PIAS3: variants seen among roughly 807,000 people sequenced by gnomAD.
The protein encoded by PIAS3 is protein inhibitor of activated STAT 3.
In PIAS3, 34 loss-of-function variants were observed where a neutral mutation model predicts 67.6. The observed-to-expected ratio is 0.50, with a 90% CI of 0.38 to 0.67. The LOEUF (loss-of-function observed/expected upper bound fraction) is 0.67, where lower values mean the gene tolerates loss of function less well. PIAS3 is among the 30% of genes least tolerant of loss of function. The probability of loss-of-function intolerance (pLI) is 0.00; values close to 1 mark genes in which losing one functional copy is unlikely to be tolerated. For synonymous variants in PIAS3, 341 were observed against 313.8 expected (o/e 1.09, Z -0.92); for missense variants, 693 against 791.6 (o/e 0.88, Z 1.49).
chr1:145,857,318 C>T (rs989002413), intron 1 of PIAS3: 2 of 407,192 alleles, frequency 4.9e-6, no homozygotes, highest in East Asian at 4.7e-5. Flanking sequence ...GACACACCTC[C>T]GAGTCCATGC....
Position 145,856,776 on chromosome 1 carries a change from A to G in PIAS3, c.255T>C (p.Ser85=). 6.2e-7 allele frequency: 1 copy of G among 1,614,078 alleles called. No individual in the cohort carries two copies. Among genetic ancestry groups the G allele is most frequent in the South Asian group, 1.1e-5 (1 of 91,084 alleles). ...LSLLSLPPGT[S]PVGSPGPLAP... ...CTAGAGGACCAGGGGAGCCTACAGG[A>G]GAGGTGCCAGGGGGCAAAGAGAGAA... Residue 85 remains serine (S), a synonymous_variant, in exon 2 of 14, where the codon TCT becomes TCC. Transcript: ENST00000393045.
intron 5 of PIAS3, 80 bp from the exon 6 acceptor site, chr1:145,854,960 C>A (rs199756395): frequency 1.1e-4 from 166 of 1,542,044 alleles, no homozygotes; most frequent in Non-Finnish European, 2.2e-5. Flanking sequence ...TATCTTGTCT[C>A]GGGTTATTCA....
At position 145,858,972 on chromosome 1, in the gene PIAS3, A is replaced by C. The variant is rs1553736145; in HGVS notation, c.19T>G (p.Leu7Val). 6.5e-7 allele frequency: 1 copy of C among 1,540,302 alleles called. No individual in the cohort carries two copies. The highest frequency in any genetic ancestry group is 8.7e-7 in the Non-Finnish European group (1 of 1,144,710). MAELGELKHMVMSFRVS... is the reference protein window; with the variant it reads MAELGEVKHMVMSFRVS... ...TGGGGGGAGGGGGCCGGTACCTTTA[A>C]TTCGCCCAGCTCCGCCATCTTGAGA... is the stretch of plus-strand genomic sequence containing the variant. Residue 7 changes from leucine to valine, a missense_variant, in exon 1 of 14, where the codon TTA becomes GTA. Leu to Val is a conservative substitution (Grantham distance 32). Around this residue, in one of 3 missense-constraint regions of PIAS3, gnomAD observed 308 missense variants for 348.8 expected, o/e 0.88. Coordinates refer to ENST00000393045, the MANE Select transcript of PIAS3 (RefSeq NM_006099.3).
Position 145,858,966 on chromosome 1 carries a change from C to T in PIAS3, c.24+1G>A. ...TGGGGATGGGGGGAGGGGGCCGGTA[C>T]CTTTAATTCGCCCAGCTCCGCCATC... On this transcript the variant is annotated splice_donor_variant, in intron 1 of 13. Coordinates refer to ENST00000393045, the MANE Select transcript of PIAS3 (RefSeq NM_006099.3). LOFTEE classifies it high-confidence loss of function. The T allele has an allele frequency of 6.5e-7, 1 of 1,539,104 alleles. No individual in the cohort carries two copies. Among genetic ancestry groups the T allele is most frequent in the South Asian group, 1.2e-5 (1 of 82,800 alleles).
chr1:145,854,014 G>A, intron 7 of PIAS3, 128 bp from the exon 8 acceptor site: 1 of 710,434 alleles, frequency 1.4e-6, no homozygotes, highest in Admixed American at 2.4e-5. Context: ...GGGCCAGTGG[G>A]ACGTCACATG....
chr1:145,849,393 C>T lies in PIAS3; in HGVS notation c.*53G>A. 1 of 1,446,314 alleles carries T rather than the reference C, an allele frequency of 6.9e-7. No homozygotes were observed. The highest frequency in any genetic ancestry group is 9.0e-7 in the Non-Finnish European group (1 of 1,106,634). The allele number at this position is 1,446,314 out of a possible 1,614,324, so 89.6% of individuals were successfully genotyped here. ...CAGAGTAGCTGGGGTTGGGACTCCA[C>T]AGCATACTTGCTCAGTGTTGGGGGA... On this transcript the variant is annotated 3_prime_UTR_variant, in exon 14 of 14. Coordinates refer to ENST00000393045, the MANE Select transcript of PIAS3 (RefSeq NM_006099.3).
At chr1:145,849,819 G>C (rs1169356029) in intron 13 of PIAS3, 107 bp from the exon 14 acceptor site, 1 of 1,487,754 alleles carries the variant, frequency 6.7e-7, no homozygotes, top group East Asian at 2.4e-5. Flanking sequence ...CTGTGGATCC[G>C]AAGGTATTCT....
In PIAS3 at chr1:145,849,661, G is replaced by C. The variant is rs782173646; in HGVS notation, c.1672C>G (p.His558Asp). ...GGGGTCCCTCGGTACTGGAAGAAGT[G>C]GCCAAGGGCATCCTGTTCATCTAGT... ...TSLDEQDALG[H>D]FFQYRGTPSH... Residue 558 changes from histidine (H) to aspartate (D), a missense_variant, in exon 14 of 14, where the codon CAC becomes GAC. Physicochemically the swap from His to Asp is moderately conservative, Grantham distance 81 (BLOSUM62 -1). This residue lies in a region of PIAS3 where 270 missense variants were observed against 261.0 expected (regional missense o/e 1.03). Coordinates refer to ENST00000393045, the MANE Select transcript of PIAS3 (RefSeq NM_006099.3). 10 of 1,612,492 alleles carry C rather than the reference G, an allele frequency of 6.2e-6. No individual in the cohort carries two copies. Among genetic ancestry groups the C allele is most frequent in the Non-Finnish European group, 7.6e-6 (9 of 1,179,282 alleles).
chr1:145,856,926 G>A lies in PIAS3; in HGVS notation c.105C>T (p.His35=), dbSNP rs143409313. Residue 35 remains histidine (H), a synonymous_variant, in exon 2 of 14, where the codon CAC becomes CAT. Transcript: ENST00000393045. ...FAGRNKSGRK[H]ELLAKALHLL... ...GGTGCAGAGCCTTGGCCAGGAGCTC[G>A]TGCTTCCGTCCACTCTTGTTCCGGC... 1.8e-3 allele frequency: 2,944 copies of A among 1,614,142 alleles called. 4 individuals carry two copies. The highest frequency in any genetic ancestry group is 2.3e-3 in the Non-Finnish European group (2,728 of 1,179,986).
intron 4 of PIAS3, 78 bp downstream of exon 4, chr1:145,855,990 C>T (rs1180293764): frequency 1.1e-5 from 13 of 1,224,952 alleles, no homozygotes; most frequent in Non-Finnish European, 1.5e-5. Context: ...AGGGACATCT[C>T]GTAAGGGTAT....
In PIAS3 at chr1:145,854,554, A is replaced by C; in HGVS notation, c.814T>G (p.Leu272Val). ...AACTGCCTCACCAGGTACACAGACA[A>C]GGAGTAATTCTACTTGGAGGCAGGG... ...WSSEFGRNYS[L>V]SVYLVRQLTA... Residue 272 changes from leucine to valine, a missense_variant, in exon 7 of 14, where the codon TTG (leucine) becomes GTG (valine). Physicochemically the swap from Leu to Val is conservative, Grantham distance 32. Coordinates refer to ENST00000393045, the MANE Select transcript of PIAS3 (RefSeq NM_006099.3). 1 of 1,613,474 alleles carries C rather than the reference A, an allele frequency of 6.2e-7. No homozygotes were observed. Among genetic ancestry groups the C allele is most frequent in the South Asian group, 1.1e-5 (1 of 91,074 alleles).
intron 9 of PIAS3, among the ~76,000 whole-genome samples, chr1:145,851,579 C>A (rs1652965246): frequency 6.7e-6 from 1 of 150,210 alleles, no homozygotes; most frequent in Non-Finnish European, 1.5e-5. Context: ...TCGCTTGAAC[C>A]CAGGAGGCAG....
chr1:145,849,592 G>A lies in PIAS3; in HGVS notation c.1741C>T (p.His581Tyr). The A allele has an allele frequency of 6.2e-7, 1 of 1,613,070 alleles. No individual in the cohort carries two copies. The highest frequency in any genetic ancestry group is 8.5e-7 in the Non-Finnish European group (1 of 1,179,556). ...GGGGGCGCCGGAGTGGCGCTGCAGT[G>A]GGAGCTCCCCAGCGTGGGGGCCAGT... The part of the protein sequence containing the change: ...GPLAPTLGSS[H>Y]CSATPAPPPG... Residue 581 changes from histidine to tyrosine, a missense_variant, in exon 14 of 14, where the codon CAC becomes TAC. This residue lies in a region of PIAS3 where 270 missense variants were observed against 261.0 expected (regional missense o/e 1.03). Transcript: ENST00000393045.
Position 145,851,146 on chromosome 1 carries a change from T to C in PIAS3, c.1153A>G (p.Met385Val), listed in dbSNP as rs781783384. 1.2e-6 allele frequency: 2 copies of C among 1,613,818 alleles called. No homozygotes were observed. The highest frequency in any genetic ancestry group is 2.7e-5 in the African/African-American group (2 of 74,898). ...YESLIIDGLF[M>V]EILSSCSDCD... ...TCTGAACAGGAACTAAGAATCTCCA[T>C]AAATAAACTGGGGGAAGAGAGAGAT... The change falls in exon 10 of 14, where the codon ATG (methionine) becomes GTG (valine). Residue 385 changes from methionine to valine, a missense_variant. Coordinates refer to ENST00000393045, the MANE Select transcript of PIAS3 (RefSeq NM_006099.3).
At chr1:145,850,013 C>T in intron 13 of PIAS3, 1 of 1,439,204 alleles carries the variant, frequency 6.9e-7, no homozygotes. Flanking sequence ...GGTGAGTAGG[C>T]CAGGGCAGAA....
Position 145,854,075 on chromosome 1 carries a change from A to G in PIAS3, c.911-189T>C, listed in dbSNP as rs1330481755. Reference sequence around the variant, plus strand: ...AAGGCTGGGTGTGGGGGATTTTCCCATCCCTGAAGATGCTTAAACATAGCG... The same window carrying G: ...AAGGCTGGGTGTGGGGGATTTTCCCGTCCCTGAAGATGCTTAAACATAGCG... On this transcript the variant is annotated intron_variant, in intron 7 of 13. Transcript: ENST00000393045. 59 of 607,154 alleles carry G rather than the reference A, an allele frequency of 9.7e-5. No homozygotes were observed. In the South Asian group the frequency reaches 1.2e-3, roughly 12 times the overall value. The allele number at this position is 607,154 out of a possible 1,614,324, so 37.6% of individuals were successfully genotyped here. A position where few individuals can be genotyped will look rare whatever the true frequency, so the allele number is the denominator to read the frequency against.
chr1:145,854,279 G>A, intron 7 of PIAS3, 179 bp downstream of exon 7: 1 of 610,996 alleles, frequency 1.6e-6, no homozygotes. Flanking sequence ...GCCTGGGAGT[G>A]GTCCAACTTC....
Position 145,854,213 on chromosome 1 carries a change from G to C in PIAS3, c.910+245C>G. 8.4e-6 allele frequency: 5 copies of C among 597,768 alleles called. No individual in the cohort carries two copies. In the South Asian group the frequency reaches 1.0e-4, roughly 12 times the overall value. 37.0% of individuals were successfully genotyped at this position (597,768 alleles called of 1,614,324 possible). A position where few individuals can be genotyped will look rare whatever the true frequency, so the allele number is the denominator to read the frequency against. ...TCCGGAGAGCCCATATTCTAGCAGG[G>C]CTGGAGTTAGGGACTGTGAGGTGCA... On this transcript the variant is annotated intron_variant, in intron 7 of 13. Coordinates refer to ENST00000393045, the MANE Select transcript of PIAS3 (RefSeq NM_006099.3).
Position 145,851,045 on chromosome 1 carries a change from G to A in PIAS3, c.1254C>T (p.Cys418=). The A allele has an allele frequency of 6.2e-7, 1 of 1,614,196 alleles. No individual in the cohort carries two copies. Among genetic ancestry groups the A allele is most frequent in the Non-Finnish European group, 8.5e-7 (1 of 1,180,036 alleles). The change falls in exon 10 of 14, where the codon TGC becomes TGT. Residue 418 remains cysteine (C), a synonymous_variant. Coordinates refer to ENST00000393045, the MANE Select transcript of PIAS3 (RefSeq NM_006099.3). ...MKPKKEASEV[C]PPPGYGLDGL... The stretch of plus-strand genomic sequence containing the variant: ...CATCCAGCCCATACCCTGGCGGGGG[G>A]CAAACCTCAGATGCCTCCTTCTTGG...
Sources: gnomAD v4.1 joint callset for allele counts (sites outside exome capture counted in the v4.1 genomes callset) on GRCh38, gnomAD v4.1.1 for gene constraint, gnomAD v4.1.1 regional missense constraint, MANE v1.5 for transcripts, NCBI Gene and HGNC (gene_info 2026-07-23, HGNC 2026-07-21) for gene names.